The following FSTL5 variants were observed in gnomAD, a reference collection of about 807,000 sequenced individuals.
FSTL5 encodes follistatin like 5, also known as follistatin-related protein 5.
In FSTL5, 62 loss-of-function variants were observed where a neutral mutation model predicts 89.1. The ratio of observed to expected loss-of-function variants is 0.70; its 90% confidence interval spans 0.57 to 0.86. FSTL5 has a LOEUF of 0.86. Among genes scored for constraint, FSTL5 ranks in the 40% least tolerant of loss-of-function variants. The probability of loss-of-function intolerance (pLI) is 0.00; values close to 1 mark genes in which losing one functional copy is unlikely to be tolerated. For missense variants in FSTL5, 1,057 were observed against 1,001.6 expected, an observed-to-expected ratio of 1.06 and a Z score of -0.75; for synonymous variants, 383 against 346.2, an observed-to-expected ratio of 1.11 and a Z score of -1.18.
intron 1 of FSTL5, among the ~76,000 whole-genome samples, chr4:162,138,353 A>G (rs888869400): frequency 1.1e-4 from 16 of 152,156 alleles, no homozygotes; most frequent in African/African-American, 3.9e-4. Context: ...TACCACATTT[A>G]CAGATTAAAG....
intron 6 of FSTL5, among the ~76,000 whole-genome samples, chr4:161,694,097 T>G (rs561601245): frequency 1.1e-3 from 88 of 80,664 alleles, no homozygotes; most frequent in Admixed American, 2.0e-3. Context: ...ATCTGTTCTC[T>G]CTATTGCTTT....
At chr4:161,681,473 T>C (rs1389488465) in intron 6 of FSTL5, among the ~76,000 whole-genome samples, 1 of 152,112 alleles carries the variant, frequency 6.6e-6, no homozygotes, top group African/African-American at 2.4e-5. Context: ...AACATATATA[T>C]TGCATTGACA....
intron 6 of FSTL5, among the ~76,000 whole-genome samples, chr4:161,687,332 A>G (rs566528375): frequency 1.3e-5 from 2 of 152,294 alleles, no homozygotes; most frequent in South Asian, 4.1e-4. Flanking sequence ...TTCTCATATA[A>G]GACCCATCTT....
chr4:161,719,147 T>C (rs1260487402), intron 6 of FSTL5, among the ~76,000 whole-genome samples: 1 of 152,168 alleles, frequency 6.6e-6, no homozygotes, highest in African/African-American at 2.4e-5. Context: ...AAGAGTCCAA[T>C]TTCATTCATT....
Position 161,837,617 on chromosome 4 carries a change from T to C in FSTL5, c.410-61543A>G, listed in dbSNP as rs556445776. On this transcript the variant is annotated intron_variant, in intron 4 of 15. Transcript: ENST00000306100. ...AATCATTAATAAAATAAAAGTAATA[T>C]ACTACTTAATCTATGAGGTGTCTTC... Among the ~76,000 whole-genome samples, 7 of 152,170 alleles carry C rather than the reference T, an allele frequency of 4.6e-5. No homozygotes were observed. In the East Asian group the frequency reaches 5.8e-4, roughly 13 times the overall value.
intron 3 of FSTL5, among the ~76,000 whole-genome samples, chr4:161,970,440 T>C (rs566939070): frequency 6.6e-6 from 1 of 152,214 alleles, no homozygotes; most frequent in South Asian, 2.1e-4. Flanking sequence ...TTGTGACCTA[T>C]ATGTAATGTT....
At chr4:161,962,954 A>G (rs1203849022) in intron 3 of FSTL5, among the ~76,000 whole-genome samples, 2 of 151,984 alleles carry the variant, frequency 1.3e-5, no homozygotes, top group African/African-American at 2.4e-5. Flanking sequence ...CTTTCTTCCA[A>G]CCAGACCTCT....
chr4:161,504,782 T>C (rs1026375113), intron 11 of FSTL5, among the ~76,000 whole-genome samples: 5 of 152,018 alleles, frequency 3.3e-5, no homozygotes, highest in Non-Finnish European at 5.9e-5. Context: ...ATCTCAATCC[T>C]TTGGGAATGG....
intron 15 of FSTL5, among the ~76,000 whole-genome samples, chr4:161,437,581 A>AAAAAAAAAAAAAAAAAAAAAAAAAAAAG: frequency 6.7e-6 from 1 of 149,362 alleles, no homozygotes. Context: ...AAAAAAAAAA[A>AAAAAAAAAAAAAAAAAAAAAAAAAAAAG]ACGAGGTCAG....
At chr4:162,158,802 C>T (rs1357079585) in intron 1 of FSTL5, among the ~76,000 whole-genome samples, 1 of 152,042 alleles carries the variant, frequency 6.6e-6, no homozygotes, top group Non-Finnish European at 1.5e-5. Context: ...ATATGAATAC[C>T]TATTAATATT....
chr4:161,964,622 T>C (rs1314025111), intron 3 of FSTL5, among the ~76,000 whole-genome samples: 2 of 151,958 alleles, frequency 1.3e-5, no homozygotes, highest in Non-Finnish European at 2.9e-5. Context: ...CCATAGGAAA[T>C]CAACTATCAG....
At chr4:161,867,294 G>A (rs1732124512) in intron 4 of FSTL5, among the ~76,000 whole-genome samples, 1 of 151,816 alleles carries the variant, frequency 6.6e-6, no homozygotes, top group Non-Finnish European at 1.5e-5. Flanking sequence ...CTCTCTTAAA[G>A]TTAATGCCTT....
intron 7 of FSTL5, among the ~76,000 whole-genome samples, chr4:161,654,484 G>A (rs1448133502): frequency 6.6e-6 from 1 of 152,086 alleles, no homozygotes; most frequent in Non-Finnish European, 1.5e-5. Context: ...TGTGCTCAAT[G>A]TTCTTGGCAT....
intron 5 of FSTL5, among the ~76,000 whole-genome samples, chr4:161,771,055 G>A (rs2126799946): frequency 6.6e-6 from 1 of 151,944 alleles, no homozygotes; most frequent in African/African-American, 2.4e-5. Context: ...TCTATGGCAG[G>A]ACAATTATTT....
chr4:161,450,142 A>G (rs1355546422), intron 15 of FSTL5, among the ~76,000 whole-genome samples: 1 of 152,090 alleles, frequency 6.6e-6, no homozygotes, highest in African/African-American at 2.4e-5. Context: ...ATTTCATGGA[A>G]ATTACTCATT....
chr4:161,950,461 C>A (rs751047475), intron 3 of FSTL5, among the ~76,000 whole-genome samples: 3 of 152,144 alleles, frequency 2.0e-5, no homozygotes, highest in Non-Finnish European at 4.4e-5. Context: ...CTCGACCTTC[C>A]CATCCGCCCA....
intron 4 of FSTL5, among the ~76,000 whole-genome samples, chr4:161,876,967 C>A: frequency 6.6e-6 from 1 of 151,506 alleles, no homozygotes; most frequent in Admixed American, 6.6e-5. Flanking sequence ...GGCGGATCAC[C>A]AGAGGTCGGG....
chr4:161,415,559 C>T (rs866805054), intron 15 of FSTL5, among the ~76,000 whole-genome samples: 2 of 151,948 alleles, frequency 1.3e-5, no homozygotes, highest in African/African-American at 4.8e-5. Flanking sequence ...TCGGCCGTCT[C>T]TTCACTTTTG....
chr4:161,539,167 T>C (rs1301799103), intron 9 of FSTL5, among the ~76,000 whole-genome samples: 1 of 151,936 alleles, frequency 6.6e-6, no homozygotes, highest in Admixed American at 6.6e-5. Context: ...TGTGTATGTG[T>C]GTGTGTGCAT....
Sources: gnomAD v4.1 joint callset for allele counts (sites outside exome capture counted in the v4.1 genomes callset) on GRCh38, gnomAD v4.1.1 for gene constraint, MANE v1.5 for transcripts, NCBI Gene and HGNC (gene_info 2026-07-23, HGNC 2026-07-21) for gene names.